Variants in CACNA1G observed in about 807,000 individuals in gnomAD.
The protein encoded by CACNA1G is calcium voltage-gated channel subunit alpha1 G, also known as voltage-dependent T-type calcium channel subunit alpha-1G.
In CACNA1G, 67 loss-of-function variants were observed where a neutral mutation model predicts 219.4. The observed-to-expected ratio is 0.31, with a 90% CI of 0.25 to 0.37. CACNA1G has a LOEUF of 0.37. Ranked by LOEUF, CACNA1G falls within the 10% of genes least tolerant of loss-of-function variation. CACNA1G has a pLI of 1.00. For missense variants in CACNA1G, 2,380 were observed against 3,231.4 expected (o/e 0.74, Z 6.39); for synonymous variants, 1,296 against 1,345.3 (o/e 0.96, Z 0.80).
Position 50,575,821 on chromosome 17 carries a change from C to T in CACNA1G, c.1419C>T (p.Gly473=). 6.4e-7 allele frequency: 1 copy of T among 1,550,686 alleles called. No individual in the cohort carries two copies. The highest frequency in any genetic ancestry group is 8.7e-7 in the Non-Finnish European group (1 of 1,147,422). The change falls in exon 8 of 38, where the codon GGC becomes GGT. Residue 473 remains glycine, a synonymous_variant. Transcript: ENST00000359106. ...TCAGCAGCCCAGCACCCCTCGGGGGCCAGGAGACCCAGCCCAGCAGCAGCT... is the reference window on the plus strand; with the variant it reads ...TCAGCAGCCCAGCACCCCTCGGGGGTCAGGAGACCCAGCCCAGCAGCAGCT... The part of the protein sequence containing the change: ...GLLSSPAPLG[G]QETQPSSSCS...
rs2053817989 is a variant in CACNA1G, at chr17:50,626,424, T to C, written c.6807T>C (p.Ser2269=). ...GGCTGGATGAGCAGAGGAGACACTC[T>C]ATCGCCGTCAGCTGCCTGGACAGCG... ...TSWLDEQRRH[S]IAVSCLDSGS... Residue 2269 remains serine, a synonymous_variant, in exon 38 of 38, where the codon TCT becomes TCC. Transcript: ENST00000359106. This position sits in a 1 kb window ranked among gnomAD's most constrained non-coding sequence, Gnocchi z 4.3. 6.2e-7 allele frequency: 1 copy of C among 1,609,384 alleles called. No individual in the cohort carries two copies. Among genetic ancestry groups the C allele is most frequent in the Non-Finnish European group, 8.5e-7 (1 of 1,178,394 alleles).
rs2145693094 is a variant in CACNA1G, at chr17:50,597,494, A to G, written c.3258+571A>G. Among the ~76,000 whole-genome samples, 2 of 152,244 alleles carry G rather than the reference A, an allele frequency of 1.3e-5. 1 individual carries two copies. Among genetic ancestry groups the G allele is most frequent in the Middle Eastern group, 6.8e-3 (2 of 294 alleles). The stretch of plus-strand genomic sequence containing the variant: ...TTTTATTTATTTTTAATTTTTTTAA[A>G]TTTCGCTTTTAATTGACAAATACTA... On this transcript the variant is annotated intron_variant, in intron 16 of 37. Coordinates refer to ENST00000359106, the MANE Select transcript of CACNA1G (RefSeq NM_018896.5).
At chr17:50,586,190 ATCT>A (rs1234963172) in intron 9 of CACNA1G, among the ~76,000 whole-genome samples, 1 of 152,164 alleles carries the variant, frequency 6.6e-6, no homozygotes, top group Non-Finnish European at 1.5e-5. Flanking sequence ...AGCCAGATTA[ATCT>A]TCTTCATACA....
At chr17:50,586,974 GC>G (rs1488637628) in intron 9 of CACNA1G, among the ~76,000 whole-genome samples, 1 of 152,076 alleles carries the variant, frequency 6.6e-6, no homozygotes, top group Admixed American at 6.5e-5. Flanking sequence ...GGTGGGATAA[GC>G]TCAGGCTGCC....
rs1308620720 is a variant in CACNA1G at position 50,596,309 on chromosome 17, T to C, written c.2980-253T>C. Among the ~76,000 whole-genome samples, 1 of 152,176 alleles carries C rather than the reference T, an allele frequency of 6.6e-6. No individual in the cohort carries two copies. The highest frequency in any genetic ancestry group is 1.9e-4 in the East Asian group (1 of 5,198). On this transcript the variant is annotated intron_variant, in intron 14 of 37. Transcript: ENST00000359106. The surrounding 1 kb of genome is among the most constrained non-coding windows in gnomAD (Gnocchi z 4.8). Reference sequence around the variant, plus strand: ...AGCCTTGGTGACCGTTCAGCCAGGCTGGTTGTGCTGTGGGCTCACATAAGC... The same window carrying C: ...AGCCTTGGTGACCGTTCAGCCAGGCCGGTTGTGCTGTGGGCTCACATAAGC...
chr17:50,608,165 C>T, intron 25 of CACNA1G, 146 bp downstream of exon 25: 3 of 696,114 alleles, frequency 4.3e-6, no homozygotes. Context: ...CTCCTTCTCC[C>T]CAAGAGCATG....
intron 1 of CACNA1G, chr17:50,562,084 C>T (rs1273086990): frequency 7.2e-6 from 1 of 138,536 alleles, no homozygotes; most frequent in Non-Finnish European, 1.5e-5. Context: ...GTACTCTGCC[C>T]GCGCCGGTTA....
At chr17:50,568,168 G>A (rs1041157309) in intron 1 of CACNA1G, among the ~76,000 whole-genome samples, 2 of 152,278 alleles carry the variant, frequency 1.3e-5, no homozygotes, top group East Asian at 1.9e-4. Flanking sequence ...GTGGACGTCT[G>A]CCTTACACCT....
rs755006238 is a variant in CACNA1G at position 50,572,629 on chromosome 17, A to T, written c.822A>T (p.Pro274=). 4 of 1,597,642 alleles carry T rather than the reference A, an allele frequency of 2.5e-6. No individual in the cohort carries two copies. The highest frequency in any genetic ancestry group is 2.6e-6 in the Non-Finnish European group (3 of 1,172,438). The part of the protein sequence containing the change: ...EDESPFICSQ[P]RENGMRSCRS... ...AGAGCCCCTTCATCTGCTCCCAGCC[A>T]CGCGAGAACGGCATGCGGTCCTGCA... is the stretch of plus-strand genomic sequence containing the variant. The change falls in exon 6 of 38, where the codon CCA becomes CCT. Residue 274 remains proline, a synonymous_variant. Transcript: ENST00000359106.
rs78198603 is a variant in CACNA1G at position 50,610,710 on chromosome 17, C to T, written c.4759+775C>T. Among the ~76,000 whole-genome samples, 7 of 152,190 alleles carry T rather than the reference C, an allele frequency of 4.6e-5. No homozygotes were observed. In the East Asian group the frequency reaches 1.4e-3, roughly 29 times the overall value. On this transcript the variant is annotated intron_variant, in intron 26 of 37. Transcript: ENST00000359106. ...CCCAAGCTGTTCATCCCCAAGGCCC[C>T]CAGTTATCATCTCCTCCAACAGACT...
At chr17:50,611,124 T>C (rs1373214105) in intron 26 of CACNA1G, among the ~76,000 whole-genome samples, 2 of 151,526 alleles carry the variant, frequency 1.3e-5, no homozygotes, top group East Asian at 3.9e-4. Context: ...CGTGGTGGCA[T>C]ACGCCTGTAA....
chr17:50,623,760 C>A (rs957773145), intron 35 of CACNA1G, 147 bp from the exon 36 acceptor site: 2 of 766,448 alleles, frequency 2.6e-6, no homozygotes, highest in Non-Finnish European at 4.3e-6. Context: ...CCCAGCCATG[C>A]TCATGCCCAT....
rs2040581063 is a variant in CACNA1G, at chr17:50,576,086, C to T, written c.1684C>T (p.His562Tyr). The part of the protein sequence containing the change: ...SVHSFYHADC[H>Y]LEPVRCQAPP... ...GCACAGCTTCTACCATGCCGACTGC[C>T]ACTTAGAGCCAGTCCGCTGCCAGGC... Residue 562 changes from histidine (H) to tyrosine (Y), a missense_variant, in exon 8 of 38, where the codon CAC (histidine) becomes TAC (tyrosine). By Grantham distance (83) the His-to-Tyr change is moderately conservative (BLOSUM62 2). Coordinates refer to ENST00000359106, the MANE Select transcript of CACNA1G (RefSeq NM_018896.5). 6.3e-7 allele frequency: 1 copy of T among 1,590,752 alleles called. No individual in the cohort carries two copies. The highest frequency in any genetic ancestry group is 8.5e-7 in the Non-Finnish European group (1 of 1,169,726).
At chr17:50,593,560 G>A (rs1264657108) in intron 13 of CACNA1G, among the ~76,000 whole-genome samples, 1 of 152,260 alleles carries the variant, frequency 6.6e-6, no homozygotes, top group Non-Finnish European at 1.5e-5. Flanking sequence ...CAACAGCAAA[G>A]CCAGAGTGTG....
rs769500269 is a variant in CACNA1G, at chr17:50,618,026, T to C, written c.5227-22T>C. On this transcript the variant is annotated intron_variant, in intron 30 of 37. Transcript: ENST00000359106. The surrounding 1 kb of genome is among the most constrained non-coding windows in gnomAD (Gnocchi z 5.3). ...CTGGGAGACCCAGCGGCATCGTTTC[T>C]ATTTCTTCTCCTTTTTTCCAGGTGG... 6.8e-6 allele frequency: 11 copies of C among 1,613,742 alleles called. No homozygotes were observed. In the South Asian group the frequency reaches 9.9e-5, roughly 14 times the overall value.
chr17:50,598,638 T>C (rs2046021233), intron 16 of CACNA1G, among the ~76,000 whole-genome samples: 1 of 152,258 alleles, frequency 6.6e-6, no homozygotes, highest in African/African-American at 2.4e-5. Context: ...ACTTTCATAA[T>C]AGCCAATCCA....
At position 50,626,716 on chromosome 17, in the gene CACNA1G, G is replaced by T. The variant is rs772947233; in HGVS notation, c.7099G>T (p.Gly2367Cys). The change falls in exon 38 of 38, where the codon GGT (glycine) becomes TGT (cysteine). Residue 2367 changes from glycine (G) to cysteine (C), a missense_variant. Physicochemically the swap from Gly to Cys is radical, Grantham distance 159. Around this residue, in one of 17 missense-constraint regions of CACNA1G, gnomAD observed 672 missense variants for 670.5 expected, o/e 1.00. Coordinates refer to ENST00000359106, the MANE Select transcript of CACNA1G (RefSeq NM_018896.5). This position sits in a 1 kb window ranked among gnomAD's most constrained non-coding sequence, Gnocchi z 4.3. ...AAAGAAAGATGTGCTGAGTCTCTCC[G>T]GTTTATCCTCTGACCCAGCAGACCT... ...SPKKDVLSLS[G>C]LSSDPADLDP 1 of 1,613,202 alleles carries T rather than the reference G, an allele frequency of 6.2e-7. No individual in the cohort carries two copies. Among genetic ancestry groups the T allele is most frequent in the Non-Finnish European group, 8.5e-7 (1 of 1,179,862 alleles).
intron 7 of CACNA1G, among the ~76,000 whole-genome samples, chr17:50,575,060 T>G (rs1229427804): frequency 6.6e-6 from 1 of 151,798 alleles, no homozygotes; most frequent in Non-Finnish European, 1.5e-5. Context: ...GAAGCAGGAG[T>G]CTTGTAAATG....
At chr17:50,619,126 G>C in intron 33 of CACNA1G, 118 bp downstream of exon 33, 1 of 771,366 alleles carries the variant, frequency 1.3e-6, no homozygotes. Flanking sequence ...GGAGGCTCCC[G>C]CCCTCCGTCC....
Sources: allele counts gnomAD v4.1 joint callset (sites outside exome capture counted in the v4.1 genomes callset), GRCh38; gene constraint gnomAD v4.1.1; regional missense constraint gnomAD v4.1.1; non-coding constraint Gnocchi (gnomAD v3.1); transcripts MANE v1.5; gene names NCBI Gene and HGNC (gene_info 2026-07-23, HGNC 2026-07-21).